Variants in MTHFD2L observed in about 807,000 individuals in gnomAD.
The protein encoded by MTHFD2L is methylenetetrahydrofolate dehydrogenase (NADP+ dependent) 2 like.
Under a neutral mutation model 34.9 loss-of-function variants are expected in MTHFD2L, and 29 were observed. That is an observed-to-expected ratio of 0.83 (90% CI 0.62 to 1.13). The LOEUF (loss-of-function observed/expected upper bound fraction) is 1.13, where lower values mean the gene tolerates loss of function less well. MTHFD2L is among the 50% of genes most tolerant of loss of function. The pLI, the probability that MTHFD2L is intolerant of heterozygous loss-of-function variation, is 0.00. For missense variants in MTHFD2L, 481 were observed against 446.5 expected (o/e 1.08, Z -0.70); for synonymous variants, 167 against 155.7 (o/e 1.07, Z -0.54).
At chr4:74,128,959 T>C (rs115344662) in intron 1 of MTHFD2L, among the ~76,000 whole-genome samples, 1,666 of 152,208 alleles carry the variant, frequency 0.011, 27 homozygotes, top group African/African-American at 0.038. Flanking sequence ...TTCTGGTTGT[T>C]CTGAGACTCT....
chr4:74,175,449 C>A (rs1728850940), intron 3 of MTHFD2L, 46 bp downstream of exon 3: 1 of 1,560,356 alleles, frequency 6.4e-7, no homozygotes, highest in Non-Finnish European at 8.7e-7. Context: ...AAAAGTGAAA[C>A]AAAGGGCATC....
At chr4:74,155,234 A>T (rs983512641), upstream of MTHFD2L, among the ~76,000 whole-genome samples, 30 of 152,180 alleles carry the variant, frequency 2.0e-4, no homozygotes, top group African/African-American at 7.0e-4. Context: ...ATATAAGTGT[A>T]ATACAGTTAG....
intron 5 of MTHFD2L, among the ~76,000 whole-genome samples, chr4:74,210,869 G>T (rs985879573): frequency 6.6e-6 from 1 of 152,142 alleles, no homozygotes; most frequent in East Asian, 1.9e-4. Flanking sequence ...TCCTTGAGCA[G>T]TGGTTTGTAG....
intron 6 of MTHFD2L, among the ~76,000 whole-genome samples, chr4:74,258,158 A>G (rs565972350): frequency 6.6e-6 from 1 of 152,236 alleles, no homozygotes; most frequent in Admixed American, 6.5e-5. Flanking sequence ...GCCATCATGG[A>G]AAACAGTATG....
intron 7 of MTHFD2L, among the ~76,000 whole-genome samples, chr4:74,282,823 A>G (rs895802391): frequency 2.0e-5 from 3 of 152,216 alleles, no homozygotes; most frequent in African/African-American, 7.2e-5. Context: ...CTTGACATGA[A>G]CATGTCTATC....
At chr4:74,262,072 A>G (rs1033140728) in intron 6 of MTHFD2L, among the ~76,000 whole-genome samples, 1 of 151,928 alleles carries the variant, frequency 6.6e-6, no homozygotes, top group Non-Finnish European at 1.5e-5. Context: ...GGAAGGATGA[A>G]AAAACAAACA....
At chr4:74,195,441 A>G (rs1733304445) in intron 3 of MTHFD2L, 1 of 152,228 alleles carries the variant, frequency 6.6e-6, no homozygotes, top group African/African-American at 2.4e-5. Flanking sequence ...AAAGTAGAGT[A>G]GTATCATGAA....
At chr4:74,208,116 C>T (rs1735668737) in intron 5 of MTHFD2L, among the ~76,000 whole-genome samples, 1 of 152,126 alleles carries the variant, frequency 6.6e-6, no homozygotes. Flanking sequence ...ATCCCACTAC[C>T]CCCAGCTTAG....
chr4:74,285,527 TTAG>T (rs1377927663), intron 7 of MTHFD2L, among the ~76,000 whole-genome samples: 2 of 151,364 alleles, frequency 1.3e-5, no homozygotes, highest in African/African-American at 2.4e-5. Flanking sequence ...TTGCTAGTAG[TTAG>T]TAGTAGTTTT....
upstream of MTHFD2L, chr4:74,158,037 G>C (rs1245690735): frequency 2.7e-5 from 40 of 1,503,292 alleles, no homozygotes; most frequent in Non-Finnish European, 3.5e-5. Flanking sequence ...AGCGCTACTT[G>C]CTGCCCTGCC....
At chr4:74,283,188 C>G (rs1044178185) in intron 7 of MTHFD2L, among the ~76,000 whole-genome samples, 1 of 152,146 alleles carries the variant, frequency 6.6e-6, no homozygotes, top group African/African-American at 2.4e-5. Flanking sequence ...CAAGCTTACC[C>G]AGCAGTTCAG....
intron 1 of MTHFD2L, among the ~76,000 whole-genome samples, chr4:74,164,356 A>G (rs1389546653): frequency 6.6e-6 from 1 of 152,248 alleles, no homozygotes; most frequent in Non-Finnish European, 1.5e-5. Context: ...ATTTTGATAC[A>G]TAGAAATAAT....
intron 2 of MTHFD2L, among the ~76,000 whole-genome samples, chr4:74,115,220 GGA>G (rs1331335781): frequency 2.0e-5 from 3 of 152,132 alleles, no homozygotes; most frequent in Admixed American, 1.3e-4. Context: ...TTTGACCATA[GGA>G]GAGACTGCGA....
intron 6 of MTHFD2L, among the ~76,000 whole-genome samples, chr4:74,232,764 T>C (rs1740267750): frequency 6.6e-6 from 1 of 152,138 alleles, no homozygotes; most frequent in East Asian, 1.9e-4. Flanking sequence ...TTTTGCCTTG[T>C]ATATACTATT....
chr4:74,290,998 C>CTTTTTTTTTTTTTTTTT (rs1560565979), intron 7 of MTHFD2L, among the ~76,000 whole-genome samples: 2 of 46,154 alleles, frequency 4.3e-5, no homozygotes, highest in African/African-American at 1.3e-4. Flanking sequence ...TTTATTTTTC[C>CTTTTTTTTTTTTTTTTT]TTTTCTTTTT....
At chr4:74,147,466 C>T (rs1393591560) in intron 1 of MTHFD2L, among the ~76,000 whole-genome samples, 3 of 152,168 alleles carry the variant, frequency 2.0e-5, no homozygotes, top group African/African-American at 7.2e-5. Context: ...TCTAATTTGG[C>T]ATCTCCTTTG....
At chr4:74,178,287 G>A (rs1331040437) in intron 3 of MTHFD2L, among the ~76,000 whole-genome samples, 1 of 152,034 alleles carries the variant, frequency 6.6e-6, no homozygotes, top group Admixed American at 6.6e-5. Flanking sequence ...GTTTCATAAT[G>A]TATACATATG....
In MTHFD2L at chr4:74,275,787, A is replaced by T. The variant is rs370550524; in HGVS notation, c.806-5638A>T. On this transcript the variant is annotated intron_variant, in intron 6 of 7. Coordinates refer to ENST00000325278, the MANE Select transcript of MTHFD2L (RefSeq NM_001144978.3). Reference sequence around the variant, plus strand: ...GTTCATATCCTTTGCCCACTTTTTGATGGGGTTGTTTGTTCTTTTCTTGTA... The same window carrying T: ...GTTCATATCCTTTGCCCACTTTTTGTTGGGGTTGTTTGTTCTTTTCTTGTA... Among the ~76,000 whole-genome samples the T allele has an allele frequency of 4.0e-5, 6 of 150,816 alleles. No homozygotes were observed. The East Asian group carries it at 5.8e-4, about 15-fold the overall frequency.
At chr4:74,221,933 A>G (rs909395936) in intron 5 of MTHFD2L, among the ~76,000 whole-genome samples, 1 of 151,930 alleles carries the variant, frequency 6.6e-6, no homozygotes, top group African/African-American at 2.4e-5. Flanking sequence ...CTCTAGTACA[A>G]TAAATAAATG....
Sources: allele counts gnomAD v4.1 joint callset (sites outside exome capture counted in the v4.1 genomes callset), GRCh38; gene constraint gnomAD v4.1.1; transcripts MANE v1.5; gene names NCBI Gene and HGNC (gene_info 2026-07-23, HGNC 2026-07-21).